Variants in EFCAB5 observed in about 807,000 individuals in gnomAD.
The protein encoded by EFCAB5 is EF-hand calcium-binding domain-containing protein 5.
A neutral mutation model predicts 167.9 loss-of-function variants in EFCAB5; 131 were observed. That is an observed-to-expected ratio of 0.78 (90% CI 0.68 to 0.90). The LOEUF (loss-of-function observed/expected upper bound fraction) is 0.90, where lower values mean the gene tolerates loss of function less well. EFCAB5 is among the 40% of genes least tolerant of loss of function. The pLI is 0.00. For missense variants in EFCAB5, 1,663 were observed against 1,745.2 expected (o/e 0.95, Z 0.84); for synonymous variants, 574 against 602.8 (o/e 0.95, Z 0.70).
chr17:30,088,959 A>T (rs2071141863), intron 19 of EFCAB5, among the ~76,000 whole-genome samples: 4 of 151,832 alleles, frequency 2.6e-5, no homozygotes, highest in Non-Finnish European at 5.9e-5. Context: ...TTTAAATTAT[A>T]CTTTAAGTTC....
intron 14 of EFCAB5, among the ~76,000 whole-genome samples, chr17:30,074,783 C>T (rs1401984629): frequency 6.6e-6 from 1 of 152,160 alleles, no homozygotes; most frequent in Non-Finnish European, 1.5e-5. Context: ...CACGTCCTTG[C>T]TTTCTGGCAC....
chr17:29,950,173 C>T (rs996136254), intron 3 of EFCAB5, among the ~76,000 whole-genome samples: 7 of 152,252 alleles, frequency 4.6e-5, no homozygotes, highest in East Asian at 1.9e-4. Flanking sequence ...CTCAGTCTAT[C>T]GAACATGAGG....
At chr17:30,047,656 A>G (rs1012198217) in intron 8 of EFCAB5, among the ~76,000 whole-genome samples, 11 of 152,216 alleles carry the variant, frequency 7.2e-5, no homozygotes, top group African/African-American at 2.4e-4. Context: ...ACCATAATGA[A>G]CAGTGGGAGT....
At chr17:30,001,049 G>A (rs1322738528) in intron 7 of EFCAB5, among the ~76,000 whole-genome samples, 1 of 152,142 alleles carries the variant, frequency 6.6e-6, no homozygotes, top group Non-Finnish European at 1.5e-5. Context: ...AACCTCTCGT[G>A]GCTTGCATTT....
At chr17:30,068,299 C>G (rs1448507342) in intron 14 of EFCAB5, among the ~76,000 whole-genome samples, 2 of 148,362 alleles carry the variant, frequency 1.3e-5, no homozygotes, top group African/African-American at 5.0e-5. Context: ...GAGACTCCAT[C>G]TCAAAAAAAG....
chr17:30,103,069 G>C (rs1018714809), intron 22 of EFCAB5, among the ~76,000 whole-genome samples: 1 of 151,974 alleles, frequency 6.6e-6, no homozygotes, highest in Non-Finnish European at 1.5e-5. Context: ...CAGGACTCAA[G>C]CAATCCACCT....
intron 6 of EFCAB5, 38 bp from the exon 7 acceptor site, chr17:29,999,868 C>T (rs558523887): frequency 2.8e-6 from 4 of 1,441,884 alleles, no homozygotes; most frequent in East Asian, 4.9e-5. Flanking sequence ...TATATTACAA[C>T]CTAACTAACT....
intron 8 of EFCAB5, 28 bp from the exon 9 acceptor site, chr17:30,051,090 C>G (rs1407462344): frequency 6.2e-7 from 1 of 1,608,160 alleles, no homozygotes; most frequent in Middle Eastern, 1.7e-4. Context: ...CCTGTAACAA[C>G]TAATCACAAA....
intron 7 of EFCAB5, among the ~76,000 whole-genome samples, chr17:30,016,695 A>G (rs574257506): frequency 6.6e-6 from 1 of 152,366 alleles, no homozygotes; most frequent in South Asian, 2.1e-4. Flanking sequence ...TTGGAAAACA[A>G]TAAACTTAAA....
At chr17:30,048,661 T>C (rs970081915) in intron 8 of EFCAB5, among the ~76,000 whole-genome samples, 1 of 152,074 alleles carries the variant, frequency 6.6e-6, no homozygotes, top group Non-Finnish European at 1.5e-5. Context: ...CTAATTTTTA[T>C]ATTTTTAGTA....
chr17:29,967,339 C>T (rs1170082850), intron 3 of EFCAB5, among the ~76,000 whole-genome samples: 1 of 152,180 alleles, frequency 6.6e-6, no homozygotes, highest in Non-Finnish European at 1.5e-5. Flanking sequence ...ATTTTCTCTG[C>T]GTGTGGAAAT....
At chr17:30,106,668 G>T (rs890877710) in intron 22 of EFCAB5, among the ~76,000 whole-genome samples, 2 of 152,070 alleles carry the variant, frequency 1.3e-5, no homozygotes, top group African/African-American at 4.8e-5. Flanking sequence ...TGTTGGCCAG[G>T]CTGATCTCAA....
intron 14 of EFCAB5, among the ~76,000 whole-genome samples, chr17:30,067,349 C>A (rs928138641): frequency 6.6e-6 from 1 of 152,092 alleles, no homozygotes; most frequent in Non-Finnish European, 1.5e-5. Context: ...GTGTGGCGGC[C>A]TTTACCTCTA....
At chr17:29,980,468 A>G (rs2068151632) in intron 4 of EFCAB5, among the ~76,000 whole-genome samples, 1 of 152,152 alleles carries the variant, frequency 6.6e-6, no homozygotes, top group African/African-American at 2.4e-5. Context: ...CAAAACCACA[A>G]TGTTTTCCAT....
At chr17:30,096,562 A>G (rs2071289932) in intron 22 of EFCAB5, among the ~76,000 whole-genome samples, 1 of 151,072 alleles carries the variant, frequency 6.6e-6, no homozygotes, top group South Asian at 2.1e-4. Context: ...TAGAAAAAAA[A>G]CTTGGTTTAA....
At chr17:30,034,742 A>T (rs1057096759) in intron 8 of EFCAB5, among the ~76,000 whole-genome samples, 1 of 152,218 alleles carries the variant, frequency 6.6e-6, no homozygotes, top group Non-Finnish European at 1.5e-5. Context: ...CAAAATGCAT[A>T]ACATAATGAC....
intron 16 of EFCAB5, 74 bp from the exon 17 acceptor site, chr17:30,080,679 C>T: frequency 1.8e-6 from 2 of 1,122,146 alleles, no homozygotes; most frequent in Non-Finnish European, 2.6e-6. Context: ...TAGAGAATCG[C>T]TCTAGTTTCC....
chr17:30,010,581 C>A (rs1190753006), intron 7 of EFCAB5, among the ~76,000 whole-genome samples: 1 of 151,822 alleles, frequency 6.6e-6, no homozygotes, highest in Middle Eastern at 3.4e-3. Context: ...TTTTTCATGT[C>A]TGTTGGCTGC....
At position 30,101,222 on chromosome 17, in the gene EFCAB5, G is replaced by T. The variant is rs532581608; in HGVS notation, c.4322-6612G>T. ...TATGTTTTAAAAGGATCACCCTGCT[G>T]CTGTAATGAGAAGACACTTTGGAGG... On this transcript the variant is annotated intron_variant, in intron 22 of 22. Coordinates refer to ENST00000394835, the MANE Select transcript of EFCAB5 (RefSeq NM_198529.4). Among the ~76,000 whole-genome samples, 16 of 152,344 alleles carry T rather than the reference G, an allele frequency of 1.1e-4. 1 individual carries two copies. In the South Asian group the frequency reaches 3.3e-3, roughly 32 times the overall value.
Sources: gnomAD v4.1 joint callset for allele counts (sites outside exome capture counted in the v4.1 genomes callset) on GRCh38, gnomAD v4.1.1 for gene constraint, MANE v1.5 for transcripts, NCBI Gene and HGNC (gene_info 2026-07-23, HGNC 2026-07-21) for gene names.